Variants in ZNF596 observed in about 807,000 individuals in gnomAD.
ZNF596 encodes the protein zinc finger protein 596.
A neutral mutation model predicts 48.3 loss-of-function variants in ZNF596; 45 were observed. The observed-to-expected ratio is 0.93, with a 90% confidence interval of 0.73 to 1.19. The LOEUF (loss-of-function observed/expected upper bound fraction) is 1.19. Among genes scored for constraint, ZNF596 ranks in the 50% most tolerant of loss-of-function variants. The pLI is 0.00. For synonymous variants in ZNF596, 270 were observed against 202.0 expected (o/e 1.34, Z -2.85); for missense variants, 848 against 599.7 (o/e 1.41, Z -4.32).
In ZNF596 at chr8:245,525, T is replaced by A. The variant is rs1797034343; in HGVS notation, c.678T>A (p.His226Gln). ...CTGGAGAGAAACCACACGGATGTCA[T>A]CTATGTGGGAAAGCCTTTACTCATT... ...IHTGEKPHGC[H>Q]LCGKAFTHCS... Residue 226 changes from histidine (H) to glutamine (Q), a missense_variant, in exon 6 of 6, where the codon CAT becomes CAA. By Grantham distance (24) the His-to-Gln change is conservative. Transcript: ENST00000398612. The A allele has an allele frequency of 1.2e-6, 2 of 1,614,008 alleles. No homozygotes were observed. The highest frequency in any genetic ancestry group is 1.7e-6 in the Non-Finnish European group (2 of 1,180,008).
intron 1 of ZNF596, chr8:234,522 CAAG>C: frequency 6.6e-6 from 1 of 152,258 alleles, no homozygotes; most frequent in Non-Finnish European, 1.5e-5. Flanking sequence ...AGGGGCTTCT[CAAG>C]AAGGATCTTC....
In ZNF596 at chr8:245,743, G is replaced by T. The variant is rs773738033; in HGVS notation, c.896G>T (p.Arg299Ile). The change falls in exon 6 of 6, where the codon AGA becomes ATA. Residue 299 changes from arginine to isoleucine, a missense_variant. Physicochemically the swap from Arg to Ile is moderately conservative, Grantham distance 97. Coordinates refer to ENST00000398612, the MANE Select transcript of ZNF596 (RefSeq NM_001042416.3). ...THCSDLRKHE[R>I]THLGDKPYGC... ...TGCTCTGACCTTAGAAAACATGAGA[G>T]AACTCACTTAGGAGATAAACCATAT... 2.5e-6 allele frequency: 4 copies of T among 1,614,114 alleles called. No homozygotes were observed. The highest frequency in any genetic ancestry group is 3.4e-6 in the Non-Finnish European group (4 of 1,180,022).
At chr8:236,983 C>G (rs1796642678) in intron 1 of ZNF596, 2 of 152,202 alleles carry the variant, frequency 1.3e-5, no homozygotes, top group South Asian at 4.1e-4. Flanking sequence ...GAAGTGATTT[C>G]ACATGTAAGA....
Position 245,359 on chromosome 8 carries a change from T to C in ZNF596, c.512T>C (p.Leu171Pro). 6.2e-7 allele frequency: 1 copy of C among 1,614,130 alleles called. No individual in the cohort carries two copies. The highest frequency in any genetic ancestry group is 8.5e-7 in the Non-Finnish European group (1 of 1,179,966). ...HTKCKSYGSH[L>P]FDYAFIQNSA... ...AAATGTAAATCATATGGAAGTCATC[T>C]ATTTGATTATGCCTTTATCCAAAAC... Residue 171 changes from leucine (L) to proline (P), a missense_variant, in exon 6 of 6, where the codon CTA (leucine) becomes CCA (proline). By Grantham distance (98) the Leu-to-Pro change is moderately conservative. Coordinates refer to ENST00000398612, the MANE Select transcript of ZNF596 (RefSeq NM_001042416.3).
intron 1 of ZNF596, among the ~76,000 whole-genome samples, chr8:235,425 G>C (rs1053174860): frequency 6.6e-6 from 1 of 151,666 alleles, no homozygotes; most frequent in African/African-American, 2.4e-5. Context: ...ATACTCTTAT[G>C]TACCACATAA....
In ZNF596 at chr8:245,910, C is replaced by A. The variant is rs202032273; in HGVS notation, c.1063C>A (p.Arg355=). ...SHCSHLRQHE[R]SHNGEKPHGC... ...TTGTTCTCACCTTAGACAACATGAG[C>A]GAAGTCACAATGGAGAGAAACCACA... is the stretch of plus-strand genomic sequence containing the variant. Residue 355 remains arginine (R), a synonymous_variant, in exon 6 of 6, where the codon CGA becomes AGA. Transcript: ENST00000398612. 2 of 1,606,852 alleles carry A rather than the reference C, an allele frequency of 1.2e-6. No individual in the cohort carries two copies. Among genetic ancestry groups the A allele is most frequent in the Admixed American group, 1.7e-5 (1 of 59,292 alleles).
chr8:244,366 C>T, intron 4 of ZNF596: 1 of 463,972 alleles, frequency 2.2e-6, no homozygotes, highest in Admixed American at 4.1e-5. Flanking sequence ...TAAACTATTA[C>T]ATACTAGCCC....
At chr8:241,934 C>A (rs577419895) in intron 2 of ZNF596, among the ~76,000 whole-genome samples, 4 of 152,282 alleles carry the variant, frequency 2.6e-5, no homozygotes, top group African/African-American at 9.6e-5. Flanking sequence ...GGAAATGCCA[C>A]ACACTGTTAA....
chr8:244,998 A>G (rs952478176), intron 5 of ZNF596, among the ~76,000 whole-genome samples, 156 bp from the exon 6 acceptor site: 1 of 152,256 alleles, frequency 6.6e-6, no homozygotes, highest in Admixed American at 6.5e-5. Flanking sequence ...ATGCAGTTAG[A>G]TAATATACTA....
chr8:245,388 G>A lies in ZNF596; in HGVS notation c.541G>A (p.Ala181Thr), dbSNP rs1298877439. The A allele has an allele frequency of 3.7e-6, 6 of 1,614,000 alleles. No homozygotes were observed. Among genetic ancestry groups the A allele is most frequent in the African/African-American group, 2.7e-5 (2 of 74,918 alleles). ...TGATTATGCCTTTATCCAAAACTCTGCCCTTAGACCACACAGTGTGACTCA... is the reference window on the plus strand; with the variant it reads ...TGATTATGCCTTTATCCAAAACTCTACCCTTAGACCACACAGTGTGACTCA... ...LFDYAFIQNS[A>T]LRPHSVTHTR... is the part of the protein sequence containing the mutation. Residue 181 changes from alanine (A) to threonine (T), a missense_variant, in exon 6 of 6, where the codon GCC becomes ACC. Ala to Thr is a moderately conservative substitution (Grantham distance 58, BLOSUM62 0). Coordinates refer to ENST00000398612, the MANE Select transcript of ZNF596 (RefSeq NM_001042416.3).
Position 240,894 on chromosome 8 carries a change from C to G in ZNF596, c.-2C>G. 1 of 1,614,086 alleles carries G rather than the reference C, an allele frequency of 6.2e-7. No homozygotes were observed. Among genetic ancestry groups the G allele is most frequent in the South Asian group, 1.1e-5 (1 of 91,082 alleles). ...AATACATTTGGTGGCTGAGCTAGTA[C>G]AATGCCATCACCGGTGAGTGGGAAA... On this transcript the variant is annotated 5_prime_UTR_variant, in exon 2 of 6. Transcript: ENST00000398612.
Position 245,814 on chromosome 8 carries a change from A to C in ZNF596, c.967A>C (p.Arg323=), listed in dbSNP as rs1368847132. 6.2e-7 allele frequency: 1 copy of C among 1,614,040 alleles called. No individual in the cohort carries two copies. The highest frequency in any genetic ancestry group is 8.5e-7 in the Non-Finnish European group (1 of 1,180,026). The change falls in exon 6 of 6, where the codon AGA becomes CGA. Residue 323 remains arginine, a synonymous_variant. Coordinates refer to ENST00000398612, the MANE Select transcript of ZNF596 (RefSeq NM_001042416.3). The part of the protein sequence containing the change: ...GKAFSKCSYL[R]QHERTHNGEK... ...GGCTTTCAGTAAATGTTCTTACCTT[A>C]GACAACATGAAAGAACTCACAATGG...
rs767867371 is a variant in ZNF596 at position 245,583 on chromosome 8, A to G, written c.736A>G (p.Thr246Ala). Reference sequence around the variant, plus strand: ...TCTTCGAAAACATGAGAGAACTCACACTGGAGAGAAGCCATATGGATGTCA... The same window carrying G: ...TCTTCGAAAACATGAGAGAACTCACGCTGGAGAGAAGCCATATGGATGTCA... Reference protein sequence around the residue: ...SDLRKHERTHTGEKPYGCHLC... With the variant: ...SDLRKHERTHAGEKPYGCHLC... The change falls in exon 6 of 6, where the codon ACT becomes GCT. Residue 246 changes from threonine (T) to alanine (A), a missense_variant. Coordinates refer to ENST00000398612, the MANE Select transcript of ZNF596 (RefSeq NM_001042416.3). 6.2e-7 allele frequency: 1 copy of G among 1,613,936 alleles called. No individual in the cohort carries two copies. Among genetic ancestry groups the G allele is most frequent in the Non-Finnish European group, 8.5e-7 (1 of 1,179,972 alleles).
rs777247733 is a variant in ZNF596 at position 245,280 on chromosome 8, G to C, written c.433G>C (p.Gly145Arg). 1.4e-5 allele frequency: 23 copies of C among 1,613,910 alleles called. No homozygotes were observed. Among genetic ancestry groups the C allele is most frequent in the Non-Finnish European group, 1.8e-5 (21 of 1,179,996 alleles). Residue 145 changes from glycine (G) to arginine (R), a missense_variant, in exon 6 of 6, where the codon GGG becomes CGG. Gly to Arg is a moderately radical substitution (Grantham distance 125, BLOSUM62 -2). Coordinates refer to ENST00000398612, the MANE Select transcript of ZNF596 (RefSeq NM_001042416.3). ...RTKHFVSKKF[G>R]KIFSDWLSFN... ...GAAACACTTTGTAAGCAAAAAGTTT[G>C]GGAAAATCTTCAGTGACTGGTTATC...
chr8:243,936 G>C, intron 4 of ZNF596, 131 bp downstream of exon 4: 1 of 679,106 alleles, frequency 1.5e-6, no homozygotes, highest in Non-Finnish European at 2.4e-6. Flanking sequence ...CACCCAGGCT[G>C]GAGTGCAGTG....
At position 242,887 on chromosome 8, in the gene ZNF596, G is replaced by A. The variant is rs1796910515; in HGVS notation, c.13G>A (p.Asp5Asn). Residue 5 changes from aspartate (D) to asparagine (N), a missense_variant and splice_region_variant, in exon 3 of 6, where the codon GAT becomes AAT. Transcript: ENST00000398612. MPSP[D>N]SMTFEDIIVD... is the part of the protein sequence containing the mutation. Reference sequence around the variant, plus strand: ...CAGTAGAATGTCCATAATGTTTTAGGATTCCATGACCTTCGAGGATATCAT... The same window carrying A: ...CAGTAGAATGTCCATAATGTTTTAGAATTCCATGACCTTCGAGGATATCAT... The A allele has an allele frequency of 6.5e-7, 1 of 1,547,048 alleles. No individual in the cohort carries two copies. Among genetic ancestry groups the A allele is most frequent in the Non-Finnish European group, 8.8e-7 (1 of 1,138,692 alleles).
At chr8:239,299 A>G (rs1796752790) in intron 1 of ZNF596, among the ~76,000 whole-genome samples, 1 of 152,088 alleles carries the variant, frequency 6.6e-6, no homozygotes, top group Non-Finnish European at 1.5e-5. Context: ...AGCGATTCTC[A>G]TACCTCAGCC....
intron 1 of ZNF596, among the ~76,000 whole-genome samples, chr8:240,100 AT>A (rs1405596609): frequency 1.3e-5 from 2 of 152,142 alleles, no homozygotes; most frequent in Non-Finnish European, 2.9e-5. Context: ...AAACCAAACT[AT>A]CTATTTCTTA....
upstream of ZNF596, chr8:232,320 T>C (rs1016901575): frequency 5.9e-6 from 1 of 168,782 alleles, no homozygotes; most frequent in African/African-American, 2.4e-5. Context: ...CCCGCCTTTT[T>C]CTCTGCCTCC....
Sources: allele counts gnomAD v4.1 joint callset (sites outside exome capture counted in the v4.1 genomes callset), GRCh38; gene constraint gnomAD v4.1.1; transcripts MANE v1.5; gene names NCBI Gene and HGNC (gene_info 2026-07-23, HGNC 2026-07-21).